The following GALNT13 variants were observed in gnomAD, a reference collection of about 807,000 sequenced individuals.
The protein encoded by GALNT13 is UDP-GalNAc:polypeptide N-acetylgalactosaminyltransferase 13.
In GALNT13, 28 loss-of-function variants were observed where a neutral mutation model predicts 64.2. The observed-to-expected ratio is 0.44, with a 90% CI of 0.32 to 0.60. The LOEUF is 0.60. GALNT13 is among the 20% of genes least tolerant of loss of function. GALNT13 has a pLI of 0.05. For missense variants in GALNT13, 577 were observed against 669.8 expected (o/e 0.86, Z 1.53); for synonymous variants, 214 against 224.6 (o/e 0.95, Z 0.42).
intron 11 of GALNT13, among the ~76,000 whole-genome samples, chr2:154,427,192 C>G (rs1005722088): frequency 1.3e-5 from 2 of 152,152 alleles, no homozygotes; most frequent in Non-Finnish European, 2.9e-5. Context: ...TCCTTTTTCT[C>G]AGATGAGGAA....
the GALNT13 span, among the ~76,000 whole-genome samples, chr2:153,461,013 G>T: frequency 6.6e-6 from 1 of 151,930 alleles, no homozygotes; most frequent in African/African-American, 2.4e-5. Context: ...ACAGAGTTGT[G>T]GCGTATACAC....
chr2:153,348,089 C>T, the GALNT13 span, among the ~76,000 whole-genome samples: 1 of 152,074 alleles, frequency 6.6e-6, no homozygotes, highest in Non-Finnish European at 1.5e-5. Flanking sequence ...GGGGGGTGTC[C>T]TCTGTTTGGA....
At chr2:154,103,906 A>T (rs1271370640) in intron 3 of GALNT13, among the ~76,000 whole-genome samples, 1 of 152,078 alleles carries the variant, frequency 6.6e-6, no homozygotes, top group Non-Finnish European at 1.5e-5. Context: ...TTCTGTCATC[A>T]GATTTTTTAT....
At chr2:154,318,089 C>G (rs1694420261) in intron 9 of GALNT13, among the ~76,000 whole-genome samples, 1 of 152,106 alleles carries the variant, frequency 6.6e-6, no homozygotes, top group Non-Finnish European at 1.5e-5. Flanking sequence ...TACGCTATCT[C>G]TTTGGAGATA....
chr2:153,294,838 T>A, the GALNT13 span, among the ~76,000 whole-genome samples: 2 of 152,192 alleles, frequency 1.3e-5, no homozygotes, highest in East Asian at 3.9e-4. Context: ...TCACTCATCC[T>A]TTTTTTCTAC....
At chr2:154,325,344 G>A (rs1019013933) in intron 9 of GALNT13, among the ~76,000 whole-genome samples, 1 of 152,022 alleles carries the variant, frequency 6.6e-6, no homozygotes, top group African/African-American at 2.4e-5. Context: ...CTTAAGCTCT[G>A]TTACCAGAAT....
the GALNT13 span, among the ~76,000 whole-genome samples, chr2:153,274,184 C>G: frequency 6.6e-6 from 1 of 152,080 alleles, no homozygotes; most frequent in African/African-American, 2.4e-5. Context: ...GCCTGGGCGA[C>G]AAGAGCGAGA....
chr2:154,311,536 G>A (rs1234223845), intron 9 of GALNT13, among the ~76,000 whole-genome samples: 3 of 152,138 alleles, frequency 2.0e-5, no homozygotes, highest in East Asian at 1.9e-4. Context: ...GAGACAGGGC[G>A]AGATCACAGG....
the GALNT13 span, among the ~76,000 whole-genome samples, chr2:153,319,884 G>C: frequency 5.9e-5 from 9 of 152,142 alleles, no homozygotes; most frequent in African/African-American, 2.2e-4. Flanking sequence ...GGTGGGAAGA[G>C]AGTGGGAGTC....
At chr2:153,987,020 G>A (rs755307674) in intron 3 of GALNT13, among the ~76,000 whole-genome samples, 2 of 151,824 alleles carry the variant, frequency 1.3e-5, no homozygotes, top group Admixed American at 6.6e-5. Flanking sequence ...CAGTAAACAG[G>A]GTATCACAGT....
chr2:154,302,330 ATAAGGAT>A lies in GALNT13; in HGVS notation c.1156+742_1156+748del, dbSNP rs1420827000. On this transcript the variant is annotated intron_variant, in intron 9 of 12. Transcript: ENST00000392825. ...CTGAAGCATTTAAAAAGGGAGAAAA[ATAAGGAT>A]ACAAAAGGACTGTTTTTATATAGGC... is the stretch of plus-strand genomic sequence containing the variant. 2.0e-5 allele frequency among the ~76,000 whole-genome samples: 3 copies of A among 152,174 alleles called. No homozygotes were observed. In the East Asian group the frequency reaches 5.8e-4, roughly 29 times the overall value.
intron 1 of GALNT13, among the ~76,000 whole-genome samples, chr2:153,895,270 T>C (rs1235354461): frequency 1.3e-5 from 2 of 152,176 alleles, no homozygotes; most frequent in Non-Finnish European, 2.9e-5. Context: ...GGGGGATTTG[T>C]AGTGTTTCCT....
the GALNT13 span, among the ~76,000 whole-genome samples, chr2:153,409,332 GT>G: frequency 1.5e-5 from 2 of 137,140 alleles, no homozygotes; most frequent in South Asian, 2.2e-4. Flanking sequence ...ATATTCATAT[GT>G]ATATGTATAT....
the GALNT13 span, among the ~76,000 whole-genome samples, chr2:153,636,723 C>T: frequency 4.6e-5 from 7 of 152,030 alleles, no homozygotes; most frequent in Admixed American, 3.9e-4. Context: ...ATGCTGTGTA[C>T]CATTTAAACC....
chr2:153,446,285 G>C, the GALNT13 span, among the ~76,000 whole-genome samples: 1 of 152,164 alleles, frequency 6.6e-6, no homozygotes, highest in Non-Finnish European at 1.5e-5. Context: ...AAATCATTAA[G>C]ATTCAGGTGT....
the GALNT13 span, among the ~76,000 whole-genome samples, chr2:153,401,994 C>T: frequency 6.9e-6 from 1 of 145,234 alleles, no homozygotes; most frequent in South Asian, 2.3e-4. Context: ...TGATTTTGCT[C>T]GTTAGTTGAT....
chr2:154,137,631 G>A (rs984024356), intron 3 of GALNT13, among the ~76,000 whole-genome samples: 5 of 151,998 alleles, frequency 3.3e-5, no homozygotes, highest in Admixed American at 6.6e-5. Flanking sequence ...TGAATATATT[G>A]CAAATATCAA....
chr2:153,456,082 A>G, the GALNT13 span, among the ~76,000 whole-genome samples: 3 of 152,244 alleles, frequency 2.0e-5, no homozygotes, highest in African/African-American at 7.2e-5. Context: ...TCCATCTACC[A>G]GCTGAGTCTG....
intron 4 of GALNT13, among the ~76,000 whole-genome samples, chr2:154,212,802 C>A (rs1484039155): frequency 1.3e-5 from 2 of 151,754 alleles, no homozygotes; most frequent in East Asian, 3.9e-4. Flanking sequence ...AGGAGGTTGC[C>A]AGTGAAGGTA....
Sources: gnomAD v4.1 joint callset for allele counts (sites outside exome capture counted in the v4.1 genomes callset) on GRCh38, gnomAD v4.1.1 for gene constraint, MANE v1.5 for transcripts, NCBI Gene and HGNC (gene_info 2026-07-23, HGNC 2026-07-21) for gene names.